Variants in FGD4 observed in about 807,000 individuals in gnomAD.
The protein encoded by FGD4 is FYVE, RhoGEF and PH domain containing 4, also known as FYVE, RhoGEF and PH domain-containing protein 4.
FGD4 carries 42 observed loss-of-function variants against 102.0 expected under a neutral mutation model. That is an observed-to-expected ratio of 0.41 (90% CI 0.32 to 0.53). The LOEUF is 0.53. Ranked by LOEUF, FGD4 falls within the 20% of genes least tolerant of loss-of-function variation. The pLI, the probability that FGD4 is intolerant of heterozygous loss-of-function variation, is 0.21. For synonymous variants in FGD4, 380 were observed against 375.7 expected, an observed-to-expected ratio of 1.01 and a Z score of -0.13; for missense variants, 902 against 1,078.2, an observed-to-expected ratio of 0.84 and a Z score of 2.29.
In FGD4 at chr12:32,582,279, G is replaced by A. The variant is rs752744624; in HGVS notation, c.823G>A (p.Ala275Thr). ...TGGAGAAAGAGATGAAACTGCCACA[G>A]CTCCTGCATCACCCACAACAGACAG... is the stretch of plus-strand genomic sequence containing the variant. ...VNGERDETAT[A>T]PASPTTDSCD... The change falls in exon 4 of 17, where the codon GCT becomes ACT. Residue 275 changes from alanine (A) to threonine (T), a missense_variant. Around this residue, in one of 2 missense-constraint regions of FGD4, gnomAD observed 443 missense variants for 459.2 expected, o/e 0.96. Transcript: ENST00000534526. 2 of 1,614,090 alleles carry A rather than the reference G, an allele frequency of 1.2e-6. No homozygotes were observed. The highest frequency in any genetic ancestry group is 2.7e-5 in the African/African-American group (2 of 74,934).
At chr12:32,562,855 T>A (rs1249110344) in intron 1 of FGD4, among the ~76,000 whole-genome samples, 1 of 152,140 alleles carries the variant, frequency 6.6e-6, no homozygotes, top group African/African-American at 2.4e-5. Context: ...CTCAATCTTT[T>A]CCCCACCTTT....
At chr12:32,526,843 C>T (rs1002375710) in intron 1 of FGD4, among the ~76,000 whole-genome samples, 2 of 152,162 alleles carry the variant, frequency 1.3e-5, no homozygotes, top group Non-Finnish European at 2.9e-5. Context: ...TAACACTCAC[C>T]GCAAGGGTCC....
At chr12:32,489,118 C>G (rs1944009599) in intron 1 of FGD4, among the ~76,000 whole-genome samples, 1 of 152,140 alleles carries the variant, frequency 6.6e-6, no homozygotes, top group African/African-American at 2.4e-5. Context: ...TCATGCATCT[C>G]AGCCTCTTCT....
In FGD4 at chr12:32,506,057, T is replaced by C. The variant is rs1938700599; in HGVS notation, c.167-58080T>C. Among the ~76,000 whole-genome samples the C allele has an allele frequency of 6.6e-6, 1 of 152,204 alleles. No individual in the cohort carries two copies. The highest frequency in any genetic ancestry group is 1.5e-5 in the Non-Finnish European group (1 of 68,030). On this transcript the variant is annotated intron_variant, in intron 1 of 16. Transcript: ENST00000534526. The surrounding 1 kb of genome is among the most constrained non-coding windows in gnomAD (Gnocchi z 4.5). ...TGAGGCCCATAAAGATTAAGCAGCT[T>C]TTCCAAGGTCAGGAAACCTGTGAGT...
At chr12:32,473,409 T>TG (rs1421733703) in intron 1 of FGD4, among the ~76,000 whole-genome samples, 2 of 151,870 alleles carry the variant, frequency 1.3e-5, no homozygotes, top group African/African-American at 4.8e-5. Flanking sequence ...AGGAGCCCAC[T>TG]GGGGGGAAGG....
Position 32,602,187 on chromosome 12 carries a change from T to C in FGD4, c.1274T>C (p.Ile425Thr). The C allele has an allele frequency of 6.2e-7, 1 of 1,614,150 alleles. No homozygotes were observed. Among genetic ancestry groups the C allele is most frequent in the Non-Finnish European group, 8.5e-7 (1 of 1,180,006 alleles). The stretch of plus-strand genomic sequence containing the variant: ...GAAACTACTCCTAGAATTGGAGACA[T>C]CCTTCAGAAATTGGCACCATTCCTT... ...EWETTPRIGD[I>T]LQKLAPFLKM... The change falls in exon 7 of 17, where the codon ATC (isoleucine) becomes ACC (threonine). Residue 425 changes from isoleucine (I) to threonine (T), a missense_variant. Transcript: ENST00000534526.
chr12:32,594,798 A>T (rs1221444767), intron 4 of FGD4, among the ~76,000 whole-genome samples: 3 of 152,176 alleles, frequency 2.0e-5, no homozygotes, highest in African/African-American at 4.8e-5. Flanking sequence ...TTGGGAGGCC[A>T]AAGCAGGCGG....
chr12:32,585,983 G>A (rs1048465125), intron 4 of FGD4, among the ~76,000 whole-genome samples: 1 of 152,032 alleles, frequency 6.6e-6, no homozygotes, highest in Admixed American at 6.5e-5. Flanking sequence ...TCAAAGATAC[G>A]CTGGGATGGG....
intron 2 of FGD4, among the ~76,000 whole-genome samples, chr12:32,566,623 A>G (rs948747370): frequency 2.0e-5 from 3 of 152,174 alleles, no homozygotes; most frequent in East Asian, 3.9e-4. Context: ...ACATCTTAGT[A>G]TTGTCAGATG....
At chr12:32,611,068 G>C (rs1431441922) in intron 9 of FGD4, 69 bp from the exon 10 acceptor site, 2 of 1,577,220 alleles carry the variant, frequency 1.3e-6, no homozygotes, top group Non-Finnish European at 1.7e-6. Flanking sequence ...TTTAGTTAAG[G>C]TCATAGTATT....
intron 1 of FGD4, among the ~76,000 whole-genome samples, chr12:32,488,736 C>G (rs909211074): frequency 4.6e-5 from 7 of 150,564 alleles, no homozygotes; most frequent in African/African-American, 1.7e-4. Flanking sequence ...GTCAGGAGTT[C>G]GAGACCAGCC....
intron 1 of FGD4, among the ~76,000 whole-genome samples, chr12:32,436,442 T>C (rs957839683): frequency 1.3e-5 from 2 of 152,184 alleles, no homozygotes; most frequent in Non-Finnish European, 2.9e-5. Context: ...AGGCAAAACA[T>C]GTGGGCATTG....
At chr12:32,414,687 T>C (rs1941336220) in intron 1 of FGD4, among the ~76,000 whole-genome samples, 1 of 152,190 alleles carries the variant, frequency 6.6e-6, no homozygotes, top group East Asian at 1.9e-4. Flanking sequence ...AGTTTGTCTT[T>C]CTGTGACTGA....
intron 1 of FGD4, among the ~76,000 whole-genome samples, chr12:32,550,670 C>CAAAA (rs71447606): frequency 3.9e-4 from 35 of 88,870 alleles, no homozygotes; most frequent in East Asian, 6.3e-4. Flanking sequence ...GACACTGTCT[C>CAAAA]AAAAAAAAAA....
At position 32,611,068 on chromosome 12, in the gene FGD4, G is replaced by A. The variant is rs1431441922; in HGVS notation, c.1603-69G>A. The A allele has an allele frequency of 4.4e-6, 7 of 1,577,338 alleles. No individual in the cohort carries two copies. The Admixed American group carries it at 1.2e-4, about 26-fold the overall frequency. On this transcript the variant is annotated intron_variant, in intron 9 of 16. Coordinates refer to ENST00000534526, the MANE Select transcript of FGD4 (RefSeq NM_001370298.3). ...CTTCTAAATTTAGATTTTAGTTAAGGTCATAGTATTATTAAAGCTACTAGG... is the reference window on the plus strand; with the variant it reads ...CTTCTAAATTTAGATTTTAGTTAAGATCATAGTATTATTAAAGCTACTAGG...
intron 1 of FGD4, among the ~76,000 whole-genome samples, chr12:32,464,015 A>G (rs952191939): frequency 1.3e-5 from 2 of 152,116 alleles, no homozygotes; most frequent in African/African-American, 2.4e-5. Flanking sequence ...TAAGTAGACA[A>G]CTCAGTAGGT....
chr12:32,412,214 G>A (rs1941237740), intron 1 of FGD4, among the ~76,000 whole-genome samples: 1 of 152,188 alleles, frequency 6.6e-6, no homozygotes, highest in Non-Finnish European at 1.5e-5. Flanking sequence ...TGGAAATGGA[G>A]TGATCCCGAG....
intron 5 of FGD4, among the ~76,000 whole-genome samples, chr12:32,599,954 T>G (rs1450701220): frequency 6.6e-6 from 1 of 152,160 alleles, no homozygotes; most frequent in African/African-American, 2.4e-5. Context: ...GAGTGTTACT[T>G]ATAAGAATTG....
chr12:32,536,134 T>C (rs187476684), intron 1 of FGD4, among the ~76,000 whole-genome samples: 232 of 152,282 alleles, frequency 1.5e-3, no homozygotes, highest in Admixed American at 3.9e-3. Flanking sequence ...AGCTTACGCT[T>C]TCAGGCAAAC....
Sources: allele counts gnomAD v4.1 joint callset (sites outside exome capture counted in the v4.1 genomes callset), GRCh38; gene constraint gnomAD v4.1.1; regional missense constraint gnomAD v4.1.1; non-coding constraint Gnocchi (gnomAD v3.1); transcripts MANE v1.5; gene names NCBI Gene and HGNC (gene_info 2026-07-23, HGNC 2026-07-21).